The following ROR1 variants were observed in gnomAD, a reference collection of about 807,000 sequenced individuals.
ROR1 encodes the protein inactive tyrosine-protein kinase transmembrane receptor ROR1.
A neutral mutation model predicts 78.8 loss-of-function variants in ROR1; 19 were observed. That is an observed-to-expected ratio of 0.24 (90% CI 0.17 to 0.35). The LOEUF is 0.35. ROR1 is among the 10% of genes least tolerant of loss of function. ROR1 has a pLI of 1.00. For synonymous variants in ROR1, 386 were observed against 433.6 expected (o/e 0.89, Z 1.36); for missense variants, 917 against 1,177.8 (o/e 0.78, Z 3.24).
At chr1:64,003,815 G>A (rs1646406763) in intron 1 of ROR1, among the ~76,000 whole-genome samples, 1 of 152,228 alleles carries the variant, frequency 6.6e-6, no homozygotes, top group African/African-American at 2.4e-5. Context: ...TGAGGCACTA[G>A]GGAGAGGAAA....
chr1:64,096,595 T>G (rs1319632170), intron 4 of ROR1, among the ~76,000 whole-genome samples: 1 of 152,206 alleles, frequency 6.6e-6, no homozygotes, highest in African/African-American at 2.4e-5. Context: ...CTGCATTGTA[T>G]TCCATGGAGT....
At chr1:64,091,679 A>T (rs1238255811) in intron 4 of ROR1, among the ~76,000 whole-genome samples, 1 of 151,942 alleles carries the variant, frequency 6.6e-6, no homozygotes, top group East Asian at 1.9e-4. Context: ...CACACTCCCC[A>T]ACTAACCACA....
At chr1:63,988,965 A>G (rs1252939482) in intron 1 of ROR1, among the ~76,000 whole-genome samples, 1 of 152,168 alleles carries the variant, frequency 6.6e-6, no homozygotes, top group Non-Finnish European at 1.5e-5. Flanking sequence ...TTGAGTCCCT[A>G]CTTTCAATTC....
At position 63,796,167 on chromosome 1, in the gene ROR1, T is replaced by G. The variant is rs150400475; in HGVS notation, c.91+21659T>G. Among the ~76,000 whole-genome samples the G allele has an allele frequency of 1.5e-3, 233 of 152,264 alleles. 1 individual carries two copies. The highest frequency in any genetic ancestry group is 5.1e-3 in the African/African-American group (210 of 41,552). On this transcript the variant is annotated intron_variant, in intron 1 of 8. Coordinates refer to ENST00000371079, the MANE Select transcript of ROR1 (RefSeq NM_005012.4). ...TTTTTTTTTCAGAAACATTTTTCCC[T>G]TCTACAAAGGATGACATCAGGGCAT...
intron 2 of ROR1, among the ~76,000 whole-genome samples, chr1:64,042,705 A>G (rs1646754348): frequency 6.6e-6 from 1 of 152,184 alleles, no homozygotes; most frequent in South Asian, 2.1e-4. Flanking sequence ...GGCTGATTTT[A>G]TTAAACTCAG....
chr1:63,892,180 A>C (rs1374224069), intron 1 of ROR1, among the ~76,000 whole-genome samples: 1 of 152,210 alleles, frequency 6.6e-6, no homozygotes, highest in Non-Finnish European at 1.5e-5. Flanking sequence ...ATTAAGACAC[A>C]GTTCATTTCC....
chr1:63,900,098 T>C (rs1454756489), intron 1 of ROR1, among the ~76,000 whole-genome samples: 1 of 152,172 alleles, frequency 6.6e-6, no homozygotes, highest in Admixed American at 6.5e-5. Context: ...TTTTCATGCT[T>C]ACCACTGACT....
chr1:63,943,890 A>G lies in ROR1; in HGVS notation c.92-65415A>G, dbSNP rs76281401. On this transcript the variant is annotated intron_variant, in intron 1 of 8. Transcript: ENST00000371079. ...CTCAGACATAATCACTGTAAATACC[A>G]GAGTTTATTCTTTCGTCTCTGTCTT... Among the ~76,000 whole-genome samples the G allele has an allele frequency of 3.0e-3, 455 of 152,340 alleles. 2 individuals are homozygous for G. Among genetic ancestry groups the G allele is most frequent in the African/African-American group, 0.011 (445 of 41,590 alleles).
intron 1 of ROR1, among the ~76,000 whole-genome samples, chr1:63,917,044 G>T (rs535791062): frequency 3.9e-5 from 6 of 152,194 alleles, no homozygotes; most frequent in African/African-American, 1.2e-4. Flanking sequence ...CTTTCCTTAA[G>T]TCAACATTAC....
intron 2 of ROR1, among the ~76,000 whole-genome samples, chr1:64,017,524 A>G (rs1646530920): frequency 6.6e-6 from 1 of 152,158 alleles, no homozygotes; most frequent in Non-Finnish European, 1.5e-5. Context: ...ACCTGCTCAA[A>G]GGGGAGAGAT....
intron 1 of ROR1, among the ~76,000 whole-genome samples, chr1:63,934,724 G>A (rs894136939): frequency 1.3e-5 from 2 of 152,118 alleles, no homozygotes; most frequent in Non-Finnish European, 2.9e-5. Context: ...TTACAATTTT[G>A]GCTTTTGAGA....
chr1:64,178,626 C>T lies in ROR1; in HGVS notation c.2585C>T (p.Ser862Leu), dbSNP rs1213854684. 11 of 1,614,120 alleles carry T rather than the reference C, an allele frequency of 6.8e-6. No homozygotes were observed. The highest frequency in any genetic ancestry group is 5.0e-5 in the Admixed American group (3 of 60,016). Residue 862 changes from serine to leucine, a missense_variant, in exon 9 of 9, where the codon TCG becomes TTG. Transcript: ENST00000371079. This position sits in a 1 kb window ranked among gnomAD's most constrained non-coding sequence, Gnocchi z 4.3. ...CGGTCCCCAAGCAGTGCCAGTGGGT[C>T]GACTAGCACTGGCCATGTGACTAGC... ...KSRSPSSASG[S>L]TSTGHVTSLP...
intron 1 of ROR1, among the ~76,000 whole-genome samples, chr1:64,008,162 C>T (rs973604217): frequency 2.6e-5 from 4 of 152,052 alleles, no homozygotes; most frequent in Non-Finnish European, 4.4e-5. Context: ...GTCTATTGCT[C>T]CTATCCATGG....
At chr1:63,849,241 G>C (rs1417547965) in intron 1 of ROR1, among the ~76,000 whole-genome samples, 1 of 152,116 alleles carries the variant, frequency 6.6e-6, no homozygotes, top group East Asian at 1.9e-4. Context: ...GTTGTTTTCT[G>C]TTTTCATTAA....
intron 7 of ROR1, among the ~76,000 whole-genome samples, chr1:64,158,235 A>T (rs1004787057): frequency 2.0e-5 from 3 of 152,246 alleles, no homozygotes; most frequent in Admixed American, 6.5e-5. Context: ...TATTGGGCTC[A>T]TATGAAACCA....
At chr1:63,945,152 T>A (rs1645874088) in intron 1 of ROR1, among the ~76,000 whole-genome samples, 1 of 152,160 alleles carries the variant, frequency 6.6e-6, no homozygotes, top group South Asian at 2.1e-4. Flanking sequence ...ACGACCCACA[T>A]TAGTATGGTC....
intron 4 of ROR1, among the ~76,000 whole-genome samples, chr1:64,080,527 T>C (rs369503922): frequency 6.6e-6 from 1 of 152,230 alleles, no homozygotes; most frequent in Non-Finnish European, 1.5e-5. Flanking sequence ...TCTGTCTCTG[T>C]GAACTCTACC....
At chr1:63,862,391 CAAAAAAAAAAAAA>C (rs1164915396) in intron 1 of ROR1, among the ~76,000 whole-genome samples, 2 of 56,822 alleles carry the variant, frequency 3.5e-5, no homozygotes, top group Non-Finnish European at 7.2e-5. Flanking sequence ...GAGACTGTCT[CAAAAAAAAAAAAA>C]AAAAAAAAAA....
At chr1:63,884,955 G>A (rs1290809917) in intron 1 of ROR1, among the ~76,000 whole-genome samples, 1 of 151,928 alleles carries the variant, frequency 6.6e-6, no homozygotes, top group South Asian at 2.1e-4. Context: ...GAATCCAAGC[G>A]CTGCTGCTCA....
Sources: gnomAD v4.1 joint callset for allele counts (sites outside exome capture counted in the v4.1 genomes callset) on GRCh38, gnomAD v4.1.1 for gene constraint, Gnocchi (gnomAD v3.1) non-coding constraint, MANE v1.5 for transcripts, NCBI Gene and HGNC (gene_info 2026-07-23, HGNC 2026-07-21) for gene names.